Variants in AP5M1 observed in about 807,000 individuals in gnomAD.
AP5M1 encodes adaptor related protein complex 5 subunit mu 1, also known as AP-5 complex subunit mu-1.
A neutral mutation model predicts 52.3 loss-of-function variants in AP5M1; 44 were observed. The ratio of observed to expected loss-of-function variants is 0.84; its 90% CI spans 0.66 to 1.08. The LOEUF (loss-of-function observed/expected upper bound fraction) is 1.08. AP5M1 is among the 50% of genes least tolerant of loss of function. The probability of loss-of-function intolerance (pLI) is 0.00; values close to 1 mark genes in which losing one functional copy is unlikely to be tolerated. For missense variants in AP5M1, 526 were observed against 568.4 expected (o/e 0.93, Z 0.76); for synonymous variants, 213 against 199.0 (o/e 1.07, Z -0.59).
At chr14:57,270,029 T>TG (rs1157376461) in intron 1 of AP5M1, among the ~76,000 whole-genome samples, 1 of 152,126 alleles carries the variant, frequency 6.6e-6, no homozygotes, top group East Asian at 1.9e-4. Context: ...AGGATAGTCT[T>TG]GATCTCCTGA....
In AP5M1 at chr14:57,290,228, T is replaced by C. The variant is rs1885408830; in HGVS notation, c.*1344T>C. On this transcript the variant is annotated 3_prime_UTR_variant, in exon 8 of 8. Coordinates refer to ENST00000261558, the MANE Select transcript of AP5M1 (RefSeq NM_018229.4). ...TTTTAATTAAGGTCAGTCCTACTCA[T>C]AAACTCATTTTCTGCAAAGCATTAT... 1 of 151,956 alleles carries C rather than the reference T, an allele frequency of 6.6e-6. No individual in the cohort carries two copies. Among genetic ancestry groups the C allele is most frequent in the Non-Finnish European group, 1.5e-5 (1 of 67,908 alleles). The allele number at this position is 151,956 out of a possible 1,614,324, so 9.4% of individuals were successfully genotyped here. A position where few individuals can be genotyped will look rare whatever the true frequency, so the allele number is the denominator to read the frequency against.
rs1885432637 is a variant in AP5M1 at position 57,291,440 on chromosome 14, GCTT to G, written c.*2560_*2562del. 1 of 151,598 alleles carries G rather than the reference GCTT, an allele frequency of 6.6e-6. No homozygotes were observed. The highest frequency in any genetic ancestry group is 2.1e-4 in the South Asian group (1 of 4,824). 9.4% of individuals were successfully genotyped at this position (151,598 alleles called of 1,614,324 possible). A position where few individuals can be genotyped will look rare whatever the true frequency, so the allele number is the denominator to read the frequency against. Reference sequence around the variant, plus strand: ...AAAGATCGTTCATGATTTTGTAAACGCTTCTTTTCTCCATTTTTTACTAAACAA... The same window carrying G: ...AAAGATCGTTCATGATTTTGTAAACGCTTTTCTCCATTTTTTACTAAACAA... On this transcript the variant is annotated 3_prime_UTR_variant, in exon 8 of 8. Transcript: ENST00000261558.
At chr14:57,284,871 A>AT (rs1028479228) in intron 6 of AP5M1, among the ~76,000 whole-genome samples, 7 of 152,106 alleles carry the variant, frequency 4.6e-5, no homozygotes, top group Admixed American at 2.0e-4. Context: ...TTCATATCAT[A>AT]TTTTTTGCTG....
chr14:57,276,575 A>T (rs969668588), intron 2 of AP5M1, among the ~76,000 whole-genome samples: 5 of 150,472 alleles, frequency 3.3e-5, no homozygotes, highest in Non-Finnish European at 5.9e-5. Context: ...ACTCTGTCTT[A>T]AAAAAAAAGA....
intron 1 of AP5M1, among the ~76,000 whole-genome samples, chr14:57,272,557 T>C (rs1326302452): frequency 1.3e-5 from 2 of 152,196 alleles, no homozygotes; most frequent in African/African-American, 4.8e-5. Flanking sequence ...AAATGATAGG[T>C]TGAGTCATCC....
At chr14:57,278,448 G>A (rs1456800771) in intron 2 of AP5M1, 1 of 152,190 alleles carries the variant, frequency 6.6e-6, no homozygotes, top group Non-Finnish European at 1.5e-5. Context: ...AGGAGCTCAA[G>A]GACAGGTTTG....
At chr14:57,280,125 A>C in intron 2 of AP5M1, 70 bp from the exon 3 acceptor site, 2 of 1,145,056 alleles carry the variant, frequency 1.7e-6, no homozygotes, top group South Asian at 1.3e-5. Context: ...GACTTTGATA[A>C]ATTTTGAAAA....
In AP5M1 at chr14:57,290,487, T is replaced by C. The variant is rs1157519494; in HGVS notation, c.*1603T>C. ...TTAATGGTAATGGAGCCATTTGGAATCTTGATTGTATAAATGTTTACCAAA... is the reference window on the plus strand; with the variant it reads ...TTAATGGTAATGGAGCCATTTGGAACCTTGATTGTATAAATGTTTACCAAA... On this transcript the variant is annotated 3_prime_UTR_variant, in exon 8 of 8. Transcript: ENST00000261558. The C allele has an allele frequency of 6.6e-6, 1 of 151,962 alleles. No individual in the cohort carries two copies. The highest frequency in any genetic ancestry group is 2.4e-5 in the African/African-American group (1 of 41,416). 9.4% of individuals were successfully genotyped at this position (151,962 alleles called of 1,614,324 possible).
rs1885471067 is a variant in AP5M1, at chr14:57,292,958, A to G, written c.*4074A>G. The G allele has an allele frequency of 5.3e-5, 8 of 151,530 alleles. No individual in the cohort carries two copies. In the Admixed American group the frequency reaches 5.3e-4, roughly 10 times the overall value. 9.4% of individuals were successfully genotyped at this position (151,530 alleles called of 1,614,324 possible). A position where few individuals can be genotyped will look rare whatever the true frequency, so the allele number is the denominator to read the frequency against. On this transcript the variant is annotated 3_prime_UTR_variant, in exon 8 of 8. Coordinates refer to ENST00000261558, the MANE Select transcript of AP5M1 (RefSeq NM_018229.4). Reference sequence around the variant, plus strand: ...AAGAATAATTGCATTCATTTTCAGAATGCTTTTTTAAAAAAAAAAAGTGAC... The same window carrying G: ...AAGAATAATTGCATTCATTTTCAGAGTGCTTTTTTAAAAAAAAAAAGTGAC...
In AP5M1 at chr14:57,282,181, G is replaced by A; in HGVS notation, c.1041G>A (p.Val347=). ...TTAATTTAAAACTTCATGAAAGTGTGAAAAATAATTTTGAATTCTGTGAAG... is the reference window on the plus strand; with the variant it reads ...TTAATTTAAAACTTCATGAAAGTGTAAAAAATAATTTTGAATTCTGTGAAG... ...ITINLKLHES[V]KNNFEFCEAH... The change falls in exon 4 of 8, where the codon GTG becomes GTA. Residue 347 remains valine (V), a synonymous_variant. Coordinates refer to ENST00000261558, the MANE Select transcript of AP5M1 (RefSeq NM_018229.4). 6.4e-7 allele frequency: 1 copy of A among 1,574,746 alleles called. No individual in the cohort carries two copies. The highest frequency in any genetic ancestry group is 8.6e-7 in the Non-Finnish European group (1 of 1,165,228).
chr14:57,278,811 A>T (rs938812203), intron 2 of AP5M1, among the ~76,000 whole-genome samples: 1 of 152,196 alleles, frequency 6.6e-6, no homozygotes, highest in Non-Finnish European at 1.5e-5. Flanking sequence ...TGTAAGTTGC[A>T]GGGTAGAAAA....
chr14:57,282,068 G>A (rs1157452724), intron 3 of AP5M1, 21 bp from the exon 4 acceptor site: 7 of 1,546,798 alleles, frequency 4.5e-6, no homozygotes, highest in Non-Finnish European at 5.2e-6. Flanking sequence ...GAATTATATA[G>A]ACATTTATGT....
intron 2 of AP5M1, among the ~76,000 whole-genome samples, chr14:57,276,995 C>G (rs796164719): frequency 2.0e-5 from 3 of 152,120 alleles, no homozygotes; most frequent in Non-Finnish European, 4.4e-5. Flanking sequence ...TTATCCTACT[C>G]GGTAGAAAAC....
At chr14:57,282,566 A>G (rs909235665) in intron 4 of AP5M1, among the ~76,000 whole-genome samples, 28 of 152,214 alleles carry the variant, frequency 1.8e-4, no homozygotes, top group Non-Finnish European at 5.9e-5. Context: ...ATTATATCAT[A>G]ATATTACTTT....
At chr14:57,284,685 TA>T (rs947222555) in intron 6 of AP5M1, among the ~76,000 whole-genome samples, 1 of 151,244 alleles carries the variant, frequency 6.6e-6, no homozygotes, top group Non-Finnish European at 1.5e-5. Context: ...TGATATTGTT[TA>T]AAAAAAAATG....
chr14:57,277,111 A>C (rs1488776777), intron 2 of AP5M1, among the ~76,000 whole-genome samples: 1 of 150,838 alleles, frequency 6.6e-6, no homozygotes, highest in Non-Finnish European at 1.5e-5. Flanking sequence ...CTCATTTTTA[A>C]AATGAGATAA....
Position 57,297,605 on chromosome 14 carries a change from G to GAAA in AP5M1, c.*8724_*8726dup, listed in dbSNP as rs1885578788. On this transcript the variant is annotated 3_prime_UTR_variant, in exon 8 of 8. Transcript: ENST00000261558. ...GTGTGTGTGCATGTGTGGAAAACAA[G>GAAA]AAAAATACAAGCTCTAGAGTAGTGG... is the stretch of plus-strand genomic sequence containing the variant. 1.3e-5 allele frequency: 2 copies of GAAA among 151,968 alleles called. No individual in the cohort carries two copies. The highest frequency in any genetic ancestry group is 6.6e-5 in the Admixed American group (1 of 15,214). 9.4% of individuals were successfully genotyped at this position (151,968 alleles called of 1,614,324 possible). A position where few individuals can be genotyped will look rare whatever the true frequency, so the allele number is the denominator to read the frequency against.
At chr14:57,269,480 G>T in intron 1 of AP5M1, 92 bp downstream of exon 1, 1 of 1,269,190 alleles carries the variant, frequency 7.9e-7, no homozygotes, top group Non-Finnish European at 1.1e-6. Flanking sequence ...GGTTTGCCAC[G>T]AATAGCTGCG....
chr14:57,284,316 A>C lies in AP5M1; in HGVS notation c.1293+1086A>C, dbSNP rs552654342. Reference sequence around the variant, plus strand: ...ATAGTAGTACTATGAGAGACTGGATACATAATTTAGATTAAGATTATAGAG... The same window carrying C: ...ATAGTAGTACTATGAGAGACTGGATCCATAATTTAGATTAAGATTATAGAG... On this transcript the variant is annotated intron_variant, in intron 6 of 7. Transcript: ENST00000261558. Among the ~76,000 whole-genome samples, 9 of 152,332 alleles carry C rather than the reference A, an allele frequency of 5.9e-5. No homozygotes were observed. The South Asian group carries it at 1.9e-3, about 32-fold the overall frequency.
Sources: allele counts gnomAD v4.1 joint callset (sites outside exome capture counted in the v4.1 genomes callset), GRCh38; gene constraint gnomAD v4.1.1; transcripts MANE v1.5; gene names NCBI Gene and HGNC (gene_info 2026-07-23, HGNC 2026-07-21).